Variants in ARHGEF10 observed in about 807,000 individuals in gnomAD.
The protein encoded by ARHGEF10 is Rho guanine nucleotide exchange factor (GEF) 10.
A neutral mutation model predicts 147.4 loss-of-function variants in ARHGEF10; 140 were observed. The observed-to-expected ratio is 0.95, with a 90% CI of 0.83 to 1.09. The LOEUF is 1.09. Among genes scored for constraint, ARHGEF10 ranks in the 50% least tolerant of loss-of-function variants. The pLI, the probability that ARHGEF10 is intolerant of heterozygous loss-of-function variation, is 0.00. For missense variants in ARHGEF10, 2,222 were observed against 1,752.7 expected, an observed-to-expected ratio of 1.27 and a Z score of -4.78; for synonymous variants, 902 against 695.8, an observed-to-expected ratio of 1.30 and a Z score of -4.67.
At chr8:1,825,854 T>G (rs1489967743) in intron 1 of ARHGEF10, among the ~76,000 whole-genome samples, 1 of 152,268 alleles carries the variant, frequency 6.6e-6, no homozygotes, top group Non-Finnish European at 1.5e-5. Context: ...TTCTAGATTC[T>G]GTGCAGGAGT....
chr8:1,841,386 G>A (rs766866333), intron 1 of ARHGEF10, among the ~76,000 whole-genome samples: 1 of 152,230 alleles, frequency 6.6e-6, no homozygotes, highest in Non-Finnish European at 1.5e-5. Context: ...TTGGAAAGCA[G>A]AAAGGGGGTC....
rs552277534 is a variant in ARHGEF10 at position 1,958,226 on chromosome 8, G to A, written c.*963G>A. 6.6e-6 allele frequency: 1 copy of A among 152,254 alleles called. No individual in the cohort carries two copies. The highest frequency in any genetic ancestry group is 2.1e-4 in the South Asian group (1 of 4,832). 9.4% of individuals were successfully genotyped at this position (152,254 alleles called of 1,614,324 possible). On this transcript the variant is annotated 3_prime_UTR_variant, in exon 29 of 29. Transcript: ENST00000349830. ...GCCATGCTGGCTGCTGTCACTGAGCGGGACTCAGGCCAAGAGGCGTGACCT... is the reference window on the plus strand; with the variant it reads ...GCCATGCTGGCTGCTGTCACTGAGCAGGACTCAGGCCAAGAGGCGTGACCT...
chr8:1,912,976 A>G (rs930064124), intron 18 of ARHGEF10, among the ~76,000 whole-genome samples: 3 of 152,110 alleles, frequency 2.0e-5, no homozygotes, highest in Non-Finnish European at 4.4e-5. Flanking sequence ...GTTGCGCTCC[A>G]TCCTGTCTGG....
intron 17 of ARHGEF10, among the ~76,000 whole-genome samples, chr8:1,905,965 C>T (rs1242304630): frequency 1.3e-5 from 2 of 152,094 alleles, no homozygotes; most frequent in Admixed American, 1.3e-4. Flanking sequence ...GGGCTGATGG[C>T]GGAACTAGAA....
In ARHGEF10 at chr8:1,885,677, C is replaced by T. The variant is rs762142358; in HGVS notation, c.1152C>T (p.Thr384=). Residue 384 remains threonine, a synonymous_variant, in exon 11 of 29, where the codon ACC becomes ACT. Transcript: ENST00000349830. ...VDCKHPEAIL[T]PMPEGLSQQQ... The stretch of plus-strand genomic sequence containing the variant: ...GCAAGCACCCGGAAGCCATCTTGAC[C>T]CCGATGCCCGAGGGTTTATCTCAGC... 6.2e-7 allele frequency: 1 copy of T among 1,613,878 alleles called. No individual in the cohort carries two copies. Among genetic ancestry groups the T allele is most frequent in the Non-Finnish European group, 8.5e-7 (1 of 1,179,948 alleles).
rs369603000 is a variant in ARHGEF10 at position 1,866,555 on chromosome 8, C to T, written c.575C>T (p.Ala192Val). The change falls in exon 6 of 29, where the codon GCA becomes GTA. Residue 192 changes from alanine (A) to valine (V), a missense_variant. Ala to Val is a moderately conservative substitution (Grantham distance 64). Coordinates refer to ENST00000349830, the MANE Select transcript of ARHGEF10 (RefSeq NM_014629.4). ...GATCAAGTCGGTCGAGAGGACAGCG[C>T]ACTTGCCCGCTGGGCCGCAGACCCG... ...SEDQVGREDS[A>V]LARWAADPAN... 6 of 1,609,786 alleles carry T rather than the reference C, an allele frequency of 3.7e-6. No individual in the cohort carries two copies. In the African/African-American group the frequency reaches 8.0e-5, roughly 21 times the overall value.
chr8:1,909,242 C>T (rs538097878), intron 17 of ARHGEF10, 53 bp from the exon 18 acceptor site: 2 of 1,608,330 alleles, frequency 1.2e-6, no homozygotes, highest in East Asian at 2.2e-5. Context: ...TGAACATTAC[C>T]ATAACGTGTT....
chr8:1,910,513 T>A (rs2129185261), intron 18 of ARHGEF10, among the ~76,000 whole-genome samples: 1 of 152,288 alleles, frequency 6.6e-6, no homozygotes, highest in South Asian at 2.1e-4. Context: ...TTTAAAGTGG[T>A]ATGCGTCTGT....
At chr8:1,895,408 C>A (rs943119947) in intron 13 of ARHGEF10, among the ~76,000 whole-genome samples, 14 of 152,100 alleles carry the variant, frequency 9.2e-5, no homozygotes, top group Non-Finnish European at 4.4e-5. Flanking sequence ...AATAATAATA[C>A]GTGAAATGTT....
chr8:1,902,406 G>A (rs1193281919), intron 15 of ARHGEF10, among the ~76,000 whole-genome samples: 1 of 152,252 alleles, frequency 6.6e-6, no homozygotes, highest in East Asian at 1.9e-4. Context: ...GTCATTTTTT[G>A]CTGGCTGTTG....
chr8:1,922,941 T>C, intron 18 of ARHGEF10, 23 bp from the exon 19 acceptor site: 1 of 1,528,982 alleles, frequency 6.5e-7, no homozygotes, highest in Non-Finnish European at 9.1e-7. Flanking sequence ...TATTCTTTTT[T>C]TTTCTTTTTG....
chr8:1,945,497 A>T lies in ARHGEF10; in HGVS notation c.3239A>T (p.His1080Leu). The change falls in exon 27 of 29, where the codon CAC becomes CTC. Residue 1080 changes from histidine (H) to leucine (L), a missense_variant. By Grantham distance (99) the His-to-Leu change is moderately conservative (BLOSUM62 -3). Transcript: ENST00000349830. ...ATTTCACAGGGTCAGCTGGAGGCCC[A>T]CCAGGAGGAAGGCATGGTGATCTCC... ...THAVEGQLEAHQEEGMVISHM... is the reference protein window; with the variant it reads ...THAVEGQLEALQEEGMVISHM... The T allele has an allele frequency of 1.2e-6, 2 of 1,606,540 alleles. No individual in the cohort carries two copies. Among genetic ancestry groups the T allele is most frequent in the Non-Finnish European group, 1.7e-6 (2 of 1,176,432 alleles).
rs780641217 is a variant in ARHGEF10, at chr8:1,928,624, G to T, written c.2895G>T (p.Thr965=). Residue 965 remains threonine (T), a synonymous_variant, in exon 24 of 29, where the codon ACG becomes ACT. Coordinates refer to ENST00000349830, the MANE Select transcript of ARHGEF10 (RefSeq NM_014629.4). ...CCGTGAGAGCTTCTGATGTCCCCACGATCTGTGTAGGGACGGAGGAGGGAA... is the reference window on the plus strand; with the variant it reads ...CCGTGAGAGCTTCTGATGTCCCCACTATCTGTGTAGGGACGGAGGAGGGAA... The part of the protein sequence containing the change: ...TPAVRASDVP[T]ICVGTEEGSI... 2 of 1,614,152 alleles carry T rather than the reference G, an allele frequency of 1.2e-6. No individual in the cohort carries two copies. Among genetic ancestry groups the T allele is most frequent in the South Asian group, 1.1e-5 (1 of 91,084 alleles).
chr8:1,917,799 G>T (rs574185100), intron 18 of ARHGEF10, among the ~76,000 whole-genome samples: 2 of 151,810 alleles, frequency 1.3e-5, no homozygotes, highest in South Asian at 4.2e-4. Flanking sequence ...TTTTGAGATG[G>T]AGTCTCCCTC....
chr8:1,864,376 C>T lies in ARHGEF10; in HGVS notation c.485C>T (p.Thr162Ile). 6.2e-7 allele frequency: 1 copy of T among 1,614,142 alleles called. No individual in the cohort carries two copies. The highest frequency in any genetic ancestry group is 8.5e-7 in the Non-Finnish European group (1 of 1,180,014). The part of the protein sequence containing the change: ...ICATSLDEEE[T>I]PEVTEDRQPN... ...CACATATTTTCTTTCCCAGCAGAAA[C>T]ACCAGAAGTCACAGAAGATCGCCAG... The change falls in exon 5 of 29, where the codon ACA (threonine) becomes ATA (isoleucine). Residue 162 changes from threonine to isoleucine, a missense_variant. Transcript: ENST00000349830.
At chr8:1,951,023 C>T (rs1179696833) in intron 27 of ARHGEF10, among the ~76,000 whole-genome samples, 1 of 152,214 alleles carries the variant, frequency 6.6e-6, no homozygotes. Flanking sequence ...ATCCCTGCTC[C>T]CACAGCGGGG....
intron 26 of ARHGEF10, among the ~76,000 whole-genome samples, chr8:1,940,942 A>G (rs1365683594): frequency 6.6e-6 from 1 of 152,254 alleles, no homozygotes; most frequent in Non-Finnish European, 1.5e-5. Flanking sequence ...GATAAAAACA[A>G]TCAAACTAAG....
intron 8 of ARHGEF10, 27 bp downstream of exon 8, chr8:1,876,761 A>T: frequency 6.2e-7 from 1 of 1,611,948 alleles, no homozygotes; most frequent in Non-Finnish European, 8.5e-7. Context: ...CATGTGAGGG[A>T]TGGTTCTCTC....
chr8:1,868,568 C>T (rs554370364), intron 6 of ARHGEF10, among the ~76,000 whole-genome samples: 2 of 152,270 alleles, frequency 1.3e-5, no homozygotes, highest in East Asian at 1.9e-4. Context: ...TTTTATGAAA[C>T]GGTTTCACTT....
Sources: allele counts gnomAD v4.1 joint callset (sites outside exome capture counted in the v4.1 genomes callset), GRCh38; gene constraint gnomAD v4.1.1; transcripts MANE v1.5; gene names NCBI Gene and HGNC (gene_info 2026-07-23, HGNC 2026-07-21).